The following SRD5A2 variants were observed in gnomAD, a reference collection of about 807,000 sequenced individuals.
The protein encoded by SRD5A2 is steroid 5 alpha-reductase 2.
SRD5A2 carries 30 observed loss-of-function variants against 27.4 expected under a neutral mutation model. That is an observed-to-expected ratio of 1.10 (90% CI 0.82 to 1.49). The LOEUF (loss-of-function observed/expected upper bound fraction) is 1.49. Ranked by LOEUF, SRD5A2 falls within the 40% of genes most tolerant of loss-of-function variation. The pLI, the probability that SRD5A2 is intolerant of heterozygous loss-of-function variation, is 0.00. For missense variants in SRD5A2, 348 were observed against 323.4 expected (o/e 1.08, Z -0.58); for synonymous variants, 141 against 133.6 (o/e 1.06, Z -0.38).
chr2:31,583,639 GCAAAAAAAAAACCAAAAAAAAAGC>G (rs1667124310), upstream of SRD5A2, among the ~76,000 whole-genome samples: 3 of 17,520 alleles, frequency 1.7e-4, no homozygotes, highest in Non-Finnish European at 2.5e-4. Context: ...CAAAAAAAAA[GCAAAAAAAAAACCAAAAAAAAAGC>G]AAAAAAAAAA....
chr2:31,662,720 G>A, the SRD5A2 span, among the ~76,000 whole-genome samples: 25 of 152,216 alleles, frequency 1.6e-4, no homozygotes, highest in Admixed American at 5.9e-4. Context: ...TGGGAAGGCC[G>A]AGGTGTTCAT....
the SRD5A2 span, among the ~76,000 whole-genome samples, chr2:31,602,216 C>CAGGATACAA: frequency 6.6e-6 from 1 of 152,100 alleles, no homozygotes; most frequent in African/African-American, 2.4e-5. Context: ...AGCAAAGTTT[C>CAGGATACAA]AGGATACAAA....
chr2:31,564,723 C>A (rs1487248218), intron 1 of SRD5A2, among the ~76,000 whole-genome samples: 2 of 151,902 alleles, frequency 1.3e-5, no homozygotes, highest in South Asian at 4.1e-4. Context: ...ATAATGCAAA[C>A]AAGACGACAG....
At chr2:31,583,651 C>CAAAAAAAAAAAA (rs1558379512), upstream of SRD5A2, among the ~76,000 whole-genome samples, 15 of 66,512 alleles carry the variant, frequency 2.3e-4, no homozygotes, top group African/African-American at 8.9e-4. Context: ...AAAAAAAAAA[C>CAAAAAAAAAAAA]CAAAAAAAAA....
chr2:31,582,446 T>C (rs779469931), upstream of SRD5A2, among the ~76,000 whole-genome samples: 3 of 150,526 alleles, frequency 2.0e-5, no homozygotes, highest in Non-Finnish European at 3.0e-5. Flanking sequence ...ATGCTAATCA[T>C]ACTTCAGTTT....
intron 3 of SRD5A2, 49 bp from the exon 4 acceptor site, chr2:31,529,506 G>A: frequency 6.2e-7 from 1 of 1,600,508 alleles, no homozygotes. Context: ...GAATCATTTT[G>A]ACATTAAACC....
At chr2:31,640,390 TGTTA>T in the SRD5A2 span, among the ~76,000 whole-genome samples, 1 of 152,160 alleles carries the variant, frequency 6.6e-6, no homozygotes, top group Non-Finnish European at 1.5e-5. Flanking sequence ...GTTCCTTGTT[TGTTA>T]TTGTTTCTTG....
chr2:31,635,713 A>G, the SRD5A2 span, among the ~76,000 whole-genome samples: 2 of 152,084 alleles, frequency 1.3e-5, no homozygotes, highest in Admixed American at 1.3e-4. Context: ...AGTCTTCAAT[A>G]CATTTTGATT....
the SRD5A2 span, among the ~76,000 whole-genome samples, chr2:31,624,267 C>T: frequency 1.4e-4 from 22 of 152,118 alleles, no homozygotes; most frequent in African/African-American, 5.1e-4. Context: ...TTAAAATGTA[C>T]AGTTAAATTA....
At chr2:31,616,372 A>G in the SRD5A2 span, among the ~76,000 whole-genome samples, 5 of 152,188 alleles carry the variant, frequency 3.3e-5, no homozygotes, top group African/African-American at 1.2e-4. Flanking sequence ...TGCACCTGGA[A>G]AAGCAATAGA....
chr2:31,574,775 A>G (rs1666922486), intron 1 of SRD5A2, among the ~76,000 whole-genome samples: 1 of 152,252 alleles, frequency 6.6e-6, no homozygotes, highest in Non-Finnish European at 1.5e-5. Context: ...TAGAATTACC[A>G]GGGCACTGAA....
At chr2:31,633,887 A>T in the SRD5A2 span, among the ~76,000 whole-genome samples, 5 of 152,192 alleles carry the variant, frequency 3.3e-5, no homozygotes, top group African/African-American at 1.2e-4. Flanking sequence ...AGAGCTCACT[A>T]AAATGTTAAT....
the SRD5A2 span, among the ~76,000 whole-genome samples, chr2:31,662,530 G>A: frequency 1.3e-5 from 2 of 152,076 alleles, no homozygotes; most frequent in African/African-American, 4.8e-5. Flanking sequence ...ATGTTGTCCA[G>A]GCTGATCTCA....
the SRD5A2 span, among the ~76,000 whole-genome samples, chr2:31,592,388 G>A: frequency 6.6e-6 from 1 of 152,150 alleles, no homozygotes. Context: ...AGCATAACCA[G>A]CATTTGAGAA....
At chr2:31,541,575 CA>C (rs56253112) in intron 1 of SRD5A2, among the ~76,000 whole-genome samples, 152,272 of 152,272 alleles carry the variant, frequency 1, 76,136 homozygotes, top group Non-Finnish European at 1. Context: ...ACCTATTTAA[CA>C]AACTATCTAC....
At chr2:31,657,223 T>G in the SRD5A2 span, among the ~76,000 whole-genome samples, 1 of 152,194 alleles carries the variant, frequency 6.6e-6, no homozygotes, top group Non-Finnish European at 1.5e-5. Context: ...GTGCGTCCCA[T>G]GATAATATTA....
At chr2:31,596,084 C>G in the SRD5A2 span, among the ~76,000 whole-genome samples, 1 of 152,156 alleles carries the variant, frequency 6.6e-6, no homozygotes, top group Admixed American at 6.5e-5. Flanking sequence ...CATGAAAACC[C>G]AGAGCCAACA....
chr2:31,606,730 C>T, the SRD5A2 span, among the ~76,000 whole-genome samples: 1 of 151,924 alleles, frequency 6.6e-6, no homozygotes, highest in Admixed American at 6.6e-5. Flanking sequence ...GCTCAAAGCC[C>T]CACCCCTCTA....
intron 1 of SRD5A2, among the ~76,000 whole-genome samples, chr2:31,534,235 T>TTTC (rs1665977600): frequency 6.6e-6 from 1 of 152,198 alleles, no homozygotes. Context: ...ACATTAAACC[T>TTTC]TTCTAATTAC....
Sources: allele counts gnomAD v4.1 joint callset (sites outside exome capture counted in the v4.1 genomes callset), GRCh38; gene constraint gnomAD v4.1.1; transcripts MANE v1.5; gene names NCBI Gene and HGNC (gene_info 2026-07-23, HGNC 2026-07-21).